NPPC: variants seen among roughly 807,000 people sequenced by gnomAD.
NPPC encodes the protein natriuretic peptide C, also known as C-type natriuretic peptide.
A neutral mutation model predicts 10.2 loss-of-function variants in NPPC; 4 were observed. The ratio of observed to expected loss-of-function variants is 0.39; its 90% CI spans 0.19 to 0.90. The LOEUF (loss-of-function observed/expected upper bound fraction) is 0.90, where lower values mean the gene tolerates loss of function less well. Among genes scored for constraint, NPPC ranks in the 40% least tolerant of loss-of-function variants. The probability of loss-of-function intolerance (pLI) is 0.37; values close to 1 mark genes in which losing one functional copy is unlikely to be tolerated. For missense variants in NPPC, 182 were observed against 173.8 expected, an observed-to-expected ratio of 1.05 and a Z score of -0.26; for synonymous variants, 83 against 87.3, an observed-to-expected ratio of 0.95 and a Z score of 0.27.
intron 1 of NPPC, 75 bp downstream of exon 1, chr2:231,926,085 C>T (rs2106194318): frequency 2.7e-6 from 3 of 1,109,282 alleles, no homozygotes; most frequent in Non-Finnish European, 3.5e-6. Flanking sequence ...TCTCCTGGGT[C>T]CTGCGCGCCG....
chr2:231,921,996 C>G lies in NPPC; in HGVS notation c.*340G>C, dbSNP rs1445395695. The stretch of plus-strand genomic sequence containing the variant: ...TTTATGCATGACATGAATTTACAAA[C>G]AGCAATGTTTTACAGCTGGTTCTGT... On this transcript the variant is annotated 3_prime_UTR_variant, in exon 3 of 3. Transcript: ENST00000409852. The G allele has an allele frequency of 6.6e-6, 1 of 151,532 alleles. No individual in the cohort carries two copies. Among genetic ancestry groups the G allele is most frequent in the African/African-American group, 2.4e-5 (1 of 41,300 alleles). 9.4% of individuals were successfully genotyped at this position (151,532 alleles called of 1,614,324 possible). A position where few individuals can be genotyped will look rare whatever the true frequency, so the allele number is the denominator to read the frequency against.
rs912502111 is a variant in NPPC at position 231,921,850 on chromosome 2, T to A, written c.*486A>T. ...GGAATGACTTTTTTTTTTTTACATT[T>A]TTTTTAACTAGTTAGGACAAAAACA... On this transcript the variant is annotated 3_prime_UTR_variant, in exon 3 of 3. Coordinates refer to ENST00000409852, the MANE Select transcript of NPPC (RefSeq NM_024409.4). 4.6e-5 allele frequency: 7 copies of A among 152,104 alleles called. No homozygotes were observed. Among genetic ancestry groups the A allele is most frequent in the Admixed American group, 3.9e-4 (6 of 15,276 alleles). The allele number at this position is 152,104 out of a possible 1,614,324, so 9.4% of individuals were successfully genotyped here.
intron 1 of NPPC, among the ~76,000 whole-genome samples, 166 bp downstream of exon 1, chr2:231,925,991 AGTG>A (rs1692002264): frequency 6.6e-6 from 1 of 152,092 alleles, no homozygotes; most frequent in Admixed American, 6.5e-5. Flanking sequence ...AGGCTGGAGA[AGTG>A]GACCCCCGAA....
At chr2:231,923,393 C>T (rs1691956931) in intron 2 of NPPC, among the ~76,000 whole-genome samples, 1 of 152,264 alleles carries the variant, frequency 6.6e-6, no homozygotes. Flanking sequence ...CAGCCACAAC[C>T]TCAAAGAGTT....
In NPPC at chr2:231,926,182, G is replaced by C. The variant is rs1692005554; in HGVS notation, c.68C>G (p.Ala23Gly). 7.6e-7 allele frequency: 1 copy of C among 1,312,534 alleles called. No individual in the cohort carries two copies. Among genetic ancestry groups the C allele is most frequent in the African/African-American group, 1.5e-5 (1 of 65,308 alleles). The allele number at this position is 1,312,534 out of a possible 1,614,324, so 81.3% of individuals were successfully genotyped here. ...CACCTTCGGCGGCGCCCCGGGCTTG[G>C]CTTCGGAGGGCCGGAGGGAGAGCAG... is the stretch of plus-strand genomic sequence containing the variant. Reference protein sequence around the residue: ...LTLLSLRPSEAKPGAPPKVPR... With the variant: ...LTLLSLRPSEGKPGAPPKVPR... Residue 23 changes from alanine to glycine, a missense_variant, in exon 1 of 3, where the codon GCC becomes GGC. Coordinates refer to ENST00000409852, the MANE Select transcript of NPPC (RefSeq NM_024409.4).
Position 231,925,899 on chromosome 2 carries a change from G to A in NPPC, c.91-184C>T, listed in dbSNP as rs1450417092. ...CGCGGCCGCCTTCGCCGCTCCCTCC[G>A]GAAGCCCCCTGCCCTCCCTTTGCTG... On this transcript the variant is annotated intron_variant, in intron 1 of 2. Transcript: ENST00000409852. Among the ~76,000 whole-genome samples, 7 of 152,342 alleles carry A rather than the reference G, an allele frequency of 4.6e-5. No individual in the cohort carries two copies. In the South Asian group the frequency reaches 8.3e-4, roughly 18 times the overall value.
At chr2:231,922,629 G>C (rs1175126389) in intron 2 of NPPC, among the ~76,000 whole-genome samples, 1 of 152,210 alleles carries the variant, frequency 6.6e-6, no homozygotes, top group Non-Finnish European at 1.5e-5. Context: ...AAAGAGAATG[G>C]AAAATCTCCC....
chr2:231,922,468 G>A (rs1193738652), intron 2 of NPPC, among the ~76,000 whole-genome samples, 153 bp from the exon 3 acceptor site: 2 of 151,844 alleles, frequency 1.3e-5, no homozygotes, highest in African/African-American at 4.8e-5. Flanking sequence ...AGGCCTTCCT[G>A]CAGAGGGGAG....
At position 231,922,183 on chromosome 2, in the gene NPPC, T is replaced by C. The variant is rs1436260033; in HGVS notation, c.*153A>G. 6.6e-6 allele frequency: 1 copy of C among 151,922 alleles called. No homozygotes were observed. Among genetic ancestry groups the C allele is most frequent in the Non-Finnish European group, 1.5e-5 (1 of 68,026 alleles). The allele number at this position is 151,922 out of a possible 1,614,324, so 9.4% of individuals were successfully genotyped here. On this transcript the variant is annotated 3_prime_UTR_variant, in exon 3 of 3. Transcript: ENST00000409852. ...AATAATAATAAAACAGCTGGTGTTG[T>C]GTATTCCCAGTACCAGGAAAAAAAA... is the stretch of plus-strand genomic sequence containing the variant.
intron 1 of NPPC, 150 bp from the exon 2 acceptor site, chr2:231,925,865 C>T (rs1692000216): frequency 2.0e-6 from 2 of 1,011,454 alleles, no homozygotes; most frequent in Non-Finnish European, 2.7e-6. Flanking sequence ...GCCCCGCATC[C>T]ACCTGCCACG....
chr2:231,923,709 G>T (rs965748166), intron 2 of NPPC, among the ~76,000 whole-genome samples: 1 of 152,192 alleles, frequency 6.6e-6, no homozygotes, highest in African/African-American at 2.4e-5. Context: ...AAGGGGTCGA[G>T]AATTCTTAAC....
At chr2:231,923,290 C>T (rs568603622) in intron 2 of NPPC, among the ~76,000 whole-genome samples, 204 of 152,376 alleles carry the variant, frequency 1.3e-3, no homozygotes, top group African/African-American at 4.7e-3. Flanking sequence ...TACACCCAGT[C>T]TCTGTCATTA....
At position 231,925,639 on chromosome 2, in the gene NPPC, GC is replaced by G. The variant is rs762684479; in HGVS notation, c.166del (p.Ala56LeufsTer66). 1 of 1,606,556 alleles carries G rather than the reference GC, an allele frequency of 6.2e-7. No individual in the cohort carries two copies. Among genetic ancestry groups the G allele is most frequent in the Non-Finnish European group, 8.5e-7 (1 of 1,177,944 alleles). ...GAGATTGGCGCCCCCGCCCCCGGGA[GC>G]CTTGTCGCCCTTCTTCTGACCGCCG... The part of the protein sequence containing the change: ...AGGGQKKGDK[A>X]PGGGGANLKG... On this transcript the variant is annotated frameshift_variant, in exon 2 of 3. Coordinates refer to ENST00000409852, the MANE Select transcript of NPPC (RefSeq NM_024409.4). LOFTEE classifies it high-confidence loss of function.
At position 231,925,388 on chromosome 2, in the gene NPPC, G is replaced by C. The variant is rs773087065; in HGVS notation, c.*20+17C>G. ...CCGGGCCGGGCTGGGGCTGGGCGTC[G>C]GGTGGGCCGTACTCACCGCCGCCAG... On this transcript the variant is annotated intron_variant, in intron 2 of 2. Transcript: ENST00000409852. 5.2e-6 allele frequency: 8 copies of C among 1,536,074 alleles called. No individual in the cohort carries two copies. In the East Asian group the frequency reaches 2.0e-4, roughly 39 times the overall value.
chr2:231,922,206 AAAAGAAAG>A lies in NPPC; in HGVS notation c.*122_*129del, dbSNP rs1020157446. Reference sequence around the variant, plus strand: ...TGTGTATTCCCAGTACCAGGAAAAAAAAAGAAAGAAAGAAAGAAATGTAAAAGCCACAT... The same window carrying A: ...TGTGTATTCCCAGTACCAGGAAAAAAAAAGAAAGAAATGTAAAAGCCACAT... On this transcript the variant is annotated 3_prime_UTR_variant, in exon 3 of 3. Coordinates refer to ENST00000409852, the MANE Select transcript of NPPC (RefSeq NM_024409.4). The A allele has an allele frequency of 1.3e-5, 2 of 152,166 alleles. No homozygotes were observed. Among genetic ancestry groups the A allele is most frequent in the African/African-American group, 4.8e-5 (2 of 41,440 alleles). The allele number at this position is 152,166 out of a possible 1,614,324, so 9.4% of individuals were successfully genotyped here.
chr2:231,922,461 C>T (rs1264613601), intron 2 of NPPC, 146 bp from the exon 3 acceptor site: 3 of 152,354 alleles, frequency 2.0e-5, no homozygotes, highest in East Asian at 3.9e-4. Flanking sequence ...CCCAACCAGG[C>T]CTTCCTGCAG....
At chr2:231,922,534 T>A (rs1173458011) in intron 2 of NPPC, among the ~76,000 whole-genome samples, 2 of 152,026 alleles carry the variant, frequency 1.3e-5, no homozygotes, top group African/African-American at 4.8e-5. Flanking sequence ...CCAGTACAAG[T>A]GGAACCAGCG....
intron 1 of NPPC, among the ~76,000 whole-genome samples, chr2:231,925,952 G>T (rs1200599327): frequency 6.6e-6 from 1 of 152,182 alleles, no homozygotes; most frequent in Non-Finnish European, 1.5e-5. Flanking sequence ...ACTGGGGTAG[G>T]GGGCTGCGCA....
rs569959706 is a variant in NPPC at position 231,924,000 on chromosome 2, T to G, written c.*20+1405A>C. Among the ~76,000 whole-genome samples the G allele has an allele frequency of 1.1e-4, 16 of 152,328 alleles. 1 individual carries two copies. In the East Asian group the frequency reaches 3.1e-3, roughly 29 times the overall value. On this transcript the variant is annotated intron_variant, in intron 2 of 2. Coordinates refer to ENST00000409852, the MANE Select transcript of NPPC (RefSeq NM_024409.4). ...GCTACTGAAGGCTGGTCCCCAAGTGTCAGAATCATTCTTCTCCCTGTGCAG... is the reference window on the plus strand; with the variant it reads ...GCTACTGAAGGCTGGTCCCCAAGTGGCAGAATCATTCTTCTCCCTGTGCAG...
Sources: gnomAD v4.1 joint callset for allele counts (sites outside exome capture counted in the v4.1 genomes callset) on GRCh38, gnomAD v4.1.1 for gene constraint, MANE v1.5 for transcripts, NCBI Gene and HGNC (gene_info 2026-07-23, HGNC 2026-07-21) for gene names.